The following GLI3 variants were observed in gnomAD, a reference collection of about 807,000 sequenced individuals.
GLI3 encodes the protein transcription activator GLI3.
A neutral mutation model predicts 100.8 loss-of-function variants in GLI3; 20 were observed. The ratio of observed to expected loss-of-function variants is 0.20; its 90% CI spans 0.14 to 0.29. The LOEUF (loss-of-function observed/expected upper bound fraction) is 0.29. Among genes scored for constraint, GLI3 ranks in the 10% least tolerant of loss-of-function variants. GLI3 has a pLI of 1.00. For missense variants in GLI3, 2,040 were observed against 2,128.5 expected (o/e 0.96, Z 0.82); for synonymous variants, 938 against 860.5 (o/e 1.09, Z -1.58).
chr7:42,118,227 T>C (rs1785908875), intron 3 of GLI3: 1 of 398,392 alleles, frequency 2.5e-6, no homozygotes, highest in African/African-American at 2.1e-5. Context: ...TTAATGTGCA[T>C]GTTAAGTCCC....
At chr7:41,989,727 G>T (rs1246326052) in intron 10 of GLI3, among the ~76,000 whole-genome samples, 2 of 151,980 alleles carry the variant, frequency 1.3e-5, no homozygotes, top group African/African-American at 2.4e-5. Flanking sequence ...TATTCAACCT[G>T]TTGTCAAAAT....
chr7:42,040,513 AT>A (rs1435523451), intron 6 of GLI3, among the ~76,000 whole-genome samples: 1 of 152,178 alleles, frequency 6.6e-6, no homozygotes, highest in East Asian at 1.9e-4. Context: ...TTTATGTGTT[AT>A]CCCTTTCATT....
intron 3 of GLI3, among the ~76,000 whole-genome samples, chr7:42,102,043 C>A (rs1785475655): frequency 6.6e-6 from 1 of 151,784 alleles, no homozygotes. Flanking sequence ...GCATAGTATA[C>A]CATGGTGTAT....
In GLI3 at chr7:42,031,049, C is replaced by G. The variant is rs375540976; in HGVS notation, c.1029-4637G>C. Among the ~76,000 whole-genome samples, 5 of 152,124 alleles carry G rather than the reference C, an allele frequency of 3.3e-5. No individual in the cohort carries two copies. In the East Asian group the frequency reaches 9.6e-4, roughly 29 times the overall value. On this transcript the variant is annotated intron_variant, in intron 7 of 14. Transcript: ENST00000395925. Reference sequence around the variant, plus strand: ...TGAAATTGTTAATAATCTCTTATACCTTCTCTAGAGCAGGACATAATCTAC... The same window carrying G: ...TGAAATTGTTAATAATCTCTTATACGTTCTCTAGAGCAGGACATAATCTAC...
intron 3 of GLI3, among the ~76,000 whole-genome samples, chr7:42,140,194 C>T (rs1786533400): frequency 6.6e-6 from 1 of 152,200 alleles, no homozygotes; most frequent in South Asian, 2.1e-4. Context: ...AAGTCCCTCA[C>T]CTGCTCCCAA....
At chr7:42,247,334 G>A (rs1002222485) in intron 1 of GLI3, among the ~76,000 whole-genome samples, 1 of 152,138 alleles carries the variant, frequency 6.6e-6, no homozygotes, top group African/African-American at 2.4e-5. Context: ...CCGGAGGCTG[G>A]TTGTGGCTTG....
At chr7:41,983,649 G>T (rs898551082) in intron 10 of GLI3, among the ~76,000 whole-genome samples, 14 of 152,282 alleles carry the variant, frequency 9.2e-5, no homozygotes, top group South Asian at 4.1e-4. Context: ...CATGCAATTT[G>T]CCAGAGGCCC....
At chr7:42,154,922 C>T (rs1250513867) in intron 2 of GLI3, among the ~76,000 whole-genome samples, 1 of 152,148 alleles carries the variant, frequency 6.6e-6, no homozygotes, top group Admixed American at 6.5e-5. Flanking sequence ...TTGACAATGA[C>T]GGATGACAGA....
intron 1 of GLI3, among the ~76,000 whole-genome samples, chr7:42,233,575 A>T (rs963898047): frequency 2.0e-5 from 3 of 151,928 alleles, no homozygotes; most frequent in Non-Finnish European, 4.4e-5. Context: ...ATCAAAGTTT[A>T]AAAAAAATCA....
intron 10 of GLI3, among the ~76,000 whole-genome samples, chr7:42,022,759 C>T (rs558504679): frequency 1.3e-5 from 2 of 152,254 alleles, no homozygotes; most frequent in East Asian, 3.9e-4. Context: ...GGGGGTATCA[C>T]AAATCAGGCA....
chr7:42,162,802 A>G (rs887647002), intron 2 of GLI3, among the ~76,000 whole-genome samples: 1 of 151,954 alleles, frequency 6.6e-6, no homozygotes, highest in African/African-American at 2.4e-5. Context: ...TGCAACTTCA[A>G]CCCCTGCTTT....
intron 4 of GLI3, among the ~76,000 whole-genome samples, chr7:42,050,109 G>C (rs371410347): frequency 6.6e-6 from 1 of 152,100 alleles, no homozygotes; most frequent in Non-Finnish European, 1.5e-5. Flanking sequence ...GAAAATGAAA[G>C]AAGTTGAAAT....
intron 2 of GLI3, among the ~76,000 whole-genome samples, chr7:42,159,204 G>C (rs2128792777): frequency 6.6e-6 from 1 of 152,328 alleles, no homozygotes; most frequent in South Asian, 2.1e-4. Flanking sequence ...AGCAGCCTAA[G>C]TATTTGGCTT....
At chr7:41,992,867 A>C (rs950161658) in intron 10 of GLI3, among the ~76,000 whole-genome samples, 1 of 152,186 alleles carries the variant, frequency 6.6e-6, no homozygotes, top group African/African-American at 2.4e-5. Context: ...AATGTCTAGC[A>C]ATATGTTGGA....
chr7:42,262,563 C>T (rs1361462504), intron 1 of GLI3, among the ~76,000 whole-genome samples: 1 of 152,162 alleles, frequency 6.6e-6, no homozygotes, highest in Non-Finnish European at 1.5e-5. Flanking sequence ...TTTGACCAGT[C>T]TTTGTTTTCT....
At chr7:42,101,299 G>A (rs1785455331) in intron 3 of GLI3, among the ~76,000 whole-genome samples, 2 of 152,002 alleles carry the variant, frequency 1.3e-5, no homozygotes, top group African/African-American at 4.8e-5. Context: ...GGCATTCTGG[G>A]GTGATAAATA....
At chr7:42,200,741 C>T (rs922180276) in intron 2 of GLI3, among the ~76,000 whole-genome samples, 6 of 152,196 alleles carry the variant, frequency 3.9e-5, no homozygotes, top group East Asian at 1.9e-4. Context: ...AGCTCCCTCA[C>T]GACTTCTTGG....
At chr7:42,208,038 A>G (rs1461799188) in intron 2 of GLI3, among the ~76,000 whole-genome samples, 1 of 152,180 alleles carries the variant, frequency 6.6e-6, no homozygotes, top group Non-Finnish European at 1.5e-5. Context: ...ACGTGCCTCT[A>G]GTCTCAGATA....
chr7:42,238,076 T>G (rs1190340888), upstream of GLI3, among the ~76,000 whole-genome samples: 1 of 142,630 alleles, frequency 7.0e-6, no homozygotes, highest in African/African-American at 2.6e-5. Context: ...CACAGACACA[T>G]TCATGCCTGC....
Sources: gnomAD v4.1 joint callset for allele counts (sites outside exome capture counted in the v4.1 genomes callset) on GRCh38, gnomAD v4.1.1 for gene constraint, MANE v1.5 for transcripts, NCBI Gene and HGNC (gene_info 2026-07-23, HGNC 2026-07-21) for gene names.